WDR11: variants seen among roughly 807,000 people sequenced by gnomAD.
WDR11 encodes the protein WD repeat-containing protein 11.
A neutral mutation model predicts 151.2 loss-of-function variants in WDR11; 83 were observed. The ratio of observed to expected loss-of-function variants is 0.55; its 90% CI spans 0.46 to 0.66. The LOEUF (loss-of-function observed/expected upper bound fraction) is 0.66, where lower values mean the gene tolerates loss of function less well. Ranked by LOEUF, WDR11 falls within the 30% of genes least tolerant of loss-of-function variation. WDR11 has a pLI of 0.00. For synonymous variants in WDR11, 484 were observed against 533.1 expected (o/e 0.91, Z 1.27); for missense variants, 1,301 against 1,480.9 (o/e 0.88, Z 1.99).
chr10:120,889,528 G>T, intron 17 of WDR11: 1 of 395,052 alleles, frequency 2.5e-6, no homozygotes, highest in Non-Finnish European at 4.8e-6. Context: ...GCAGGAGCCA[G>T]CACACCCGGC....
At chr10:120,852,784 A>C in intron 2 of WDR11, 149 bp downstream of exon 2, 1 of 673,812 alleles carries the variant, frequency 1.5e-6, no homozygotes, top group Non-Finnish European at 2.6e-6. Flanking sequence ...ATTTTCATAT[A>C]TATGACTTAA....
At chr10:120,864,367 A>G (rs937695223) in intron 5 of WDR11, among the ~76,000 whole-genome samples, 3 of 152,236 alleles carry the variant, frequency 2.0e-5, no homozygotes, top group African/African-American at 7.2e-5. Context: ...TTGTATGTCT[A>G]TTCCTATTGA....
chr10:120,879,389 A>ACCTGTCCACTGACTCTC (rs1345600255), intron 12 of WDR11: 1 of 152,110 alleles, frequency 6.6e-6, no homozygotes, highest in Non-Finnish European at 1.5e-5. Context: ...ATTGGAAGTG[A>ACCTGTCCACTGACTCTC]CCTGTCCACT....
chr10:120,877,544 G>C (rs1400285234), intron 11 of WDR11, among the ~76,000 whole-genome samples: 1 of 152,118 alleles, frequency 6.6e-6, no homozygotes, highest in Non-Finnish European at 1.5e-5. Flanking sequence ...TCTTGAACCT[G>C]GGAGGCAGAG....
intron 20 of WDR11, 143 bp from the exon 21 acceptor site, chr10:120,900,893 T>C: frequency 1.5e-6 from 1 of 665,200 alleles, no homozygotes; most frequent in South Asian, 1.8e-5. Context: ...GAGTAGATTG[T>C]TGTTATTTTG....
At chr10:120,874,199 G>GTTTTTTTTTTT (rs1564703291) in intron 11 of WDR11, among the ~76,000 whole-genome samples, 1 of 68,982 alleles carries the variant, frequency 1.4e-5, no homozygotes, top group Non-Finnish European at 3.1e-5. Context: ...TTTTGTTGTT[G>GTTTTTTTTTTT]TTGTTGTTGT....
intron 4 of WDR11, among the ~76,000 whole-genome samples, chr10:120,861,012 G>GT: frequency 6.6e-6 from 1 of 152,292 alleles, no homozygotes. Flanking sequence ...TTCTAGTGTA[G>GT]TAAGAGGTGA....
At chr10:120,886,571 A>G (rs1373644868) in intron 15 of WDR11, 118 bp from the exon 16 acceptor site, 4 of 1,304,334 alleles carry the variant, frequency 3.1e-6, no homozygotes, top group Non-Finnish European at 3.2e-6. Flanking sequence ...TCAGACTTTT[A>G]AAAAAATAGT....
At chr10:120,885,361 A>G (rs972756036) in intron 14 of WDR11, among the ~76,000 whole-genome samples, 1 of 152,064 alleles carries the variant, frequency 6.6e-6, no homozygotes, top group Admixed American at 6.6e-5. Context: ...ACATGTTAAG[A>G]ACTTATACAT....
At position 120,851,427 on chromosome 10, in the gene WDR11, C is replaced by A; in HGVS notation, c.7C>A (p.Pro3Thr). 6.2e-7 allele frequency: 1 copy of A among 1,610,966 alleles called. No homozygotes were observed. The highest frequency in any genetic ancestry group is 8.5e-7 in the Non-Finnish European group (1 of 1,179,338). MLPYTVNFKVSAR... is the reference protein window; with the variant it reads MLTYTVNFKVSAR... ...TCCTGGGCTGGCCGCCGGGATGTTGCCCTACACAGTGAACTTCAAGGTGTC... is the reference window on the plus strand; with the variant it reads ...TCCTGGGCTGGCCGCCGGGATGTTGACCTACACAGTGAACTTCAAGGTGTC... The change falls in exon 1 of 29, where the codon CCC (proline) becomes ACC (threonine). Residue 3 changes from proline (P) to threonine (T), a missense_variant. By Grantham distance (38) the Pro-to-Thr change is conservative. This residue lies in a region of WDR11 where 692 missense variants were observed against 762.5 expected (regional missense o/e 0.91). Transcript: ENST00000263461.
At chr10:120,881,606 T>TGTTA (rs1847009192) in intron 13 of WDR11, among the ~76,000 whole-genome samples, 1 of 152,024 alleles carries the variant, frequency 6.6e-6, no homozygotes, top group Admixed American at 6.6e-5. Flanking sequence ...ATATTATTTG[T>TGTTA]TTATTTTGTG....
chr10:120,883,037 A>T (rs1847078555), intron 13 of WDR11, among the ~76,000 whole-genome samples: 1 of 152,060 alleles, frequency 6.6e-6, no homozygotes, highest in African/African-American at 2.4e-5. Flanking sequence ...ATAATCTTTA[A>T]AAATTTCCAT....
At chr10:120,905,705 A>T in intron 26 of WDR11, 171 bp from the exon 27 acceptor site, 1 of 1,225,946 alleles carries the variant, frequency 8.2e-7, no homozygotes, top group Non-Finnish European at 1.2e-6. Flanking sequence ...TGGGTCCCGT[A>T]GGCACAGACC....
chr10:120,874,096 T>G (rs957718014), intron 11 of WDR11, among the ~76,000 whole-genome samples, 173 bp downstream of exon 11: 3 of 152,064 alleles, frequency 2.0e-5, no homozygotes, highest in Non-Finnish European at 4.4e-5. Flanking sequence ...TAACTAATTC[T>G]TTGCTGTGTA....
At chr10:120,905,504 T>C in intron 26 of WDR11, 88 bp downstream of exon 26, 1 of 1,437,596 alleles carries the variant, frequency 7.0e-7, no homozygotes, top group Non-Finnish European at 9.8e-7. Flanking sequence ...TTAGAAACAT[T>C]TTTTGGCCTG....
At chr10:120,853,270 AT>A (rs748098358) in intron 2 of WDR11, among the ~76,000 whole-genome samples, 316 of 143,586 alleles carry the variant, frequency 2.2e-3, no homozygotes, top group Non-Finnish European at 2.1e-3. Flanking sequence ...AGGAGTTTGG[AT>A]TTTTTTTTTT....
At chr10:120,858,876 C>G (rs1389127814) in intron 3 of WDR11, 80 bp downstream of exon 3, 3 of 1,552,894 alleles carry the variant, frequency 1.9e-6, no homozygotes, top group Non-Finnish European at 2.6e-6. Flanking sequence ...GGGGTTTTCC[C>G]CCATTCATTT....
chr10:120,880,887 A>G lies in WDR11; in HGVS notation c.1725A>G (p.Lys575=). ...ATGAATCTGCCATCGAAATGATTAA[A>G]GTATCTCATTTGAAGTAAGTGTCAA... ...GNDESAIEMI[K]VSHLKQYLAV... The change falls in exon 13 of 29, where the codon AAA becomes AAG. Residue 575 remains lysine (K), a synonymous_variant. Coordinates refer to ENST00000263461, the MANE Select transcript of WDR11 (RefSeq NM_018117.12). The G allele has an allele frequency of 6.2e-7, 1 of 1,600,162 alleles. No individual in the cohort carries two copies. The highest frequency in any genetic ancestry group is 8.5e-7 in the Non-Finnish European group (1 of 1,171,010).
chr10:120,909,494 A>C lies in WDR11; in HGVS notation c.*781A>C, dbSNP rs890378081. The C allele has an allele frequency of 6.5e-6, 1 of 152,740 alleles. No individual in the cohort carries two copies. The highest frequency in any genetic ancestry group is 6.5e-5 in the Admixed American group (1 of 15,284). The allele number at this position is 152,740 out of a possible 1,614,324, so 9.5% of individuals were successfully genotyped here. A position where few individuals can be genotyped will look rare whatever the true frequency, so the allele number is the denominator to read the frequency against. ...AAAACATAAATGTCTGTAACTTACAAACATGATAAATAAATTAAAAATTCC... is the reference window on the plus strand; with the variant it reads ...AAAACATAAATGTCTGTAACTTACACACATGATAAATAAATTAAAAATTCC... On this transcript the variant is annotated 3_prime_UTR_variant, in exon 29 of 29. Coordinates refer to ENST00000263461, the MANE Select transcript of WDR11 (RefSeq NM_018117.12).
Sources: gnomAD v4.1 joint callset for allele counts (sites outside exome capture counted in the v4.1 genomes callset) on GRCh38, gnomAD v4.1.1 for gene constraint, gnomAD v4.1.1 regional missense constraint, MANE v1.5 for transcripts, NCBI Gene and HGNC (gene_info 2026-07-23, HGNC 2026-07-21) for gene names.